RBFOX1: variants seen among roughly 807,000 people sequenced by gnomAD.
The protein encoded by RBFOX1 is RNA binding fox-1 homolog 1, also known as RNA binding protein fox-1 homolog 1.
Under a neutral mutation model 57.7 loss-of-function variants are expected in RBFOX1, and 8 were observed. That is an observed-to-expected ratio of 0.14 (90% CI 0.08 to 0.25). The LOEUF (loss-of-function observed/expected upper bound fraction) is 0.25, where lower values mean the gene tolerates loss of function less well. Among genes scored for constraint, RBFOX1 ranks in the 10% least tolerant of loss-of-function variants. The probability of loss-of-function intolerance (pLI) is 1.00; values close to 1 mark genes in which losing one functional copy is unlikely to be tolerated. For synonymous variants in RBFOX1, 326 were observed against 222.4 expected (o/e 1.47, Z -4.15); for missense variants, 611 against 548.5 (o/e 1.11, Z -1.14).
intron 2 of RBFOX1, among the ~76,000 whole-genome samples, chr16:6,414,227 G>A (rs1348088393): frequency 6.6e-6 from 1 of 152,226 alleles, no homozygotes; most frequent in Non-Finnish European, 1.5e-5. Flanking sequence ...GATGAAAGCA[G>A]TGTTTCTAAT....
chr16:7,230,841 G>T lies in RBFOX1; in HGVS notation c.27+178743G>T, dbSNP rs183549390. Among the ~76,000 whole-genome samples, 4 of 152,292 alleles carry T rather than the reference G, an allele frequency of 2.6e-5. No individual in the cohort carries two copies. In the East Asian group the frequency reaches 7.7e-4, roughly 29 times the overall value. ...GTTTTTACCCTGCAGAGCTGATACT[G>T]CAGAGGGCAGCTCATTTTATTCCTG... On this transcript the variant is annotated intron_variant, in intron 4 of 15. Coordinates refer to ENST00000550418, the MANE Select transcript of RBFOX1 (RefSeq NM_018723.4).
intron 3 of RBFOX1, among the ~76,000 whole-genome samples, chr16:6,969,858 C>T (rs1012973563): frequency 7.2e-5 from 11 of 152,156 alleles, no homozygotes; most frequent in Non-Finnish European, 1.3e-4. Context: ...CATGTGTGAA[C>T]CATTGTACTA....
intron 3 of RBFOX1, among the ~76,000 whole-genome samples, chr16:5,801,633 A>C (rs545290186): frequency 1.1e-4 from 16 of 152,210 alleles, no homozygotes; most frequent in Non-Finnish European, 2.2e-4. Flanking sequence ...AAAAAATACC[A>C]ATGTGATCCG....
chr16:6,587,674 G>A (rs2097649230), intron 2 of RBFOX1, among the ~76,000 whole-genome samples: 1 of 152,076 alleles, frequency 6.6e-6, no homozygotes, highest in Admixed American at 6.5e-5. Flanking sequence ...TAGGGTAGAG[G>A]TTTTTAGTGT....
intron 2 of RBFOX1, among the ~76,000 whole-genome samples, chr16:6,646,672 CAGAG>C (rs1305528052): frequency 6.6e-6 from 1 of 152,058 alleles, no homozygotes; most frequent in East Asian, 1.9e-4. Flanking sequence ...CAAAAGCAGA[CAGAG>C]AGCTGCTTTT....
rs1288036131 is a variant in RBFOX1 at position 5,831,338 on chromosome 16, C to G, written c.319-35965C>G. On this transcript the variant is annotated intron_variant, in intron 3 of 19. Transcript: ENST00000641259. ...CCCTGCCATTCTCTCTATCTTGCTC[C>G]TGCTCTGGCCATGGGACCTGCCTGT... is the stretch of plus-strand genomic sequence containing the variant. Among the ~76,000 whole-genome samples, 4 of 152,118 alleles carry G rather than the reference C, an allele frequency of 2.6e-5. No homozygotes were observed. In the East Asian group the frequency reaches 7.7e-4, roughly 29 times the overall value.
At chr16:7,224,678 A>C (rs577338771) in intron 4 of RBFOX1, among the ~76,000 whole-genome samples, 1 of 152,320 alleles carries the variant, frequency 6.6e-6, no homozygotes, top group South Asian at 2.1e-4. Flanking sequence ...AAGACCAAAT[A>C]AGTGATATTT....
chr16:6,259,256 C>T (rs927932227), intron 1 of RBFOX1, among the ~76,000 whole-genome samples: 2 of 152,022 alleles, frequency 1.3e-5, no homozygotes, highest in Admixed American at 1.3e-4. Flanking sequence ...ATCATTATTC[C>T]TTTACTTTTG....
At chr16:5,815,325 G>C (rs188570889) in intron 3 of RBFOX1, among the ~76,000 whole-genome samples, 1 of 152,014 alleles carries the variant, frequency 6.6e-6, no homozygotes, top group Admixed American at 6.5e-5. Flanking sequence ...GATCACATGT[G>C]GGTCTCCTTT....
chr16:5,518,116 A>G (rs191174590), intron 2 of RBFOX1, among the ~76,000 whole-genome samples: 68 of 152,360 alleles, frequency 4.5e-4, no homozygotes, highest in African/African-American at 1.5e-3. Context: ...TGCAGCTGCA[A>G]AGCTAAAACA....
chr16:5,346,665 C>T (rs1248508554), intron 1 of RBFOX1, among the ~76,000 whole-genome samples: 1 of 152,146 alleles, frequency 6.6e-6, no homozygotes, highest in East Asian at 1.9e-4. Flanking sequence ...GTGGAGTGTG[C>T]TGTGGGAGTG....
downstream of RBFOX1, chr16:5,601,714 G>A (rs1036396202): frequency 6.6e-6 from 1 of 152,248 alleles, no homozygotes; most frequent in African/African-American, 2.4e-5. Flanking sequence ...ATGGGGAAAT[G>A]AGGCGTGGAG....
At chr16:5,954,865 G>T (rs1241138511) in intron 4 of RBFOX1, among the ~76,000 whole-genome samples, 1 of 151,962 alleles carries the variant, frequency 6.6e-6, no homozygotes, top group Admixed American at 6.6e-5. Flanking sequence ...GGGTGGACAG[G>T]TGGACTGAGT....
At chr16:7,363,208 C>G (rs1381457725) in intron 4 of RBFOX1, among the ~76,000 whole-genome samples, 1 of 152,126 alleles carries the variant, frequency 6.6e-6, no homozygotes, top group Non-Finnish European at 1.5e-5. Context: ...CAGCCTCCAT[C>G]CTGAGTTCCT....
intron 1 of RBFOX1, among the ~76,000 whole-genome samples, chr16:6,090,615 C>G (rs1338188548): frequency 1.3e-5 from 2 of 152,212 alleles, no homozygotes; most frequent in Admixed American, 1.3e-4. Context: ...TTTCACAAGT[C>G]TAATGCATTA....
chr16:6,552,644 T>C (rs1567655258), intron 2 of RBFOX1, among the ~76,000 whole-genome samples: 1 of 152,278 alleles, frequency 6.6e-6, no homozygotes, highest in East Asian at 1.9e-4. Context: ...TTGGCATCCT[T>C]GGAAAATGGA....
intron 4 of RBFOX1, among the ~76,000 whole-genome samples, chr16:7,371,547 C>G (rs866094194): frequency 1.3e-5 from 2 of 152,050 alleles, no homozygotes; most frequent in Non-Finnish European, 2.9e-5. Context: ...GTCAGGAGAT[C>G]GAGACCAGCC....
At chr16:6,858,024 T>C (rs188456808) in intron 3 of RBFOX1, among the ~76,000 whole-genome samples, 1 of 152,200 alleles carries the variant, frequency 6.6e-6, no homozygotes, top group Non-Finnish European at 1.5e-5. Flanking sequence ...GCAAGGCTTT[T>C]CTCTTCTACT....
intron 4 of RBFOX1, among the ~76,000 whole-genome samples, chr16:5,917,679 G>A (rs1013214135): frequency 6.6e-6 from 1 of 152,140 alleles, no homozygotes; most frequent in East Asian, 1.9e-4. Context: ...CCCAGTCCAT[G>A]CCGCCATCCA....
Sources: gnomAD v4.1 joint callset for allele counts (sites outside exome capture counted in the v4.1 genomes callset) on GRCh38, gnomAD v4.1.1 for gene constraint, MANE v1.5 for transcripts, NCBI Gene and HGNC (gene_info 2026-07-23, HGNC 2026-07-21) for gene names.